Variants in IL1RAPL1 observed in about 807,000 individuals in gnomAD.
IL1RAPL1 encodes the protein interleukin-1 receptor accessory protein-like 1.
Under a neutral mutation model 48.4 loss-of-function variants are expected in IL1RAPL1, and 3 were observed. That is an observed-to-expected ratio of 0.06 (90% CI 0.03 to 0.16). The LOEUF is 0.16. Ranked by LOEUF, IL1RAPL1 falls within the 10% of genes least tolerant of loss-of-function variation. The pLI is 1.00. For missense variants in IL1RAPL1, 349 were observed against 530.6 expected (o/e 0.66, Z 3.36); for synonymous variants, 185 against 187.7 (o/e 0.99, Z 0.12).
intron 2 of IL1RAPL1, among the ~76,000 whole-genome samples, chrX:29,098,548 G>T (rs1206023401): frequency 9.0e-6 from 1 of 111,336 alleles, no homozygotes; most frequent in Admixed American, 9.6e-5. Context: ...TCAACTTGTG[G>T]TCCTTGGACC....
At chrX:28,928,173 A>G (rs1923795328) in intron 2 of IL1RAPL1, among the ~76,000 whole-genome samples, 1 of 111,268 alleles carries the variant, frequency 9.0e-6, no homozygotes, top group African/African-American at 3.3e-5. Context: ...CAAATTTATA[A>G]ATGCTTTTAT....
chrX:29,614,493 C>G (rs1924215564), intron 5 of IL1RAPL1, among the ~76,000 whole-genome samples: 1 of 112,410 alleles, frequency 8.9e-6, no homozygotes, highest in Non-Finnish European at 1.9e-5. Context: ...CATTTAATAT[C>G]CTTCTGTGAA....
At position 29,080,994 on chromosome X, in the gene IL1RAPL1, T is replaced by TTCTCTCTCTCTC. The variant is rs201299964; in HGVS notation, c.83-201928_83-201917dup. On this transcript the variant is annotated intron_variant, in intron 2 of 10. Transcript: ENST00000378993. ...TTTCTTTCTTTCTTTCTTTCTTTCT[T>TTCTCTCTCTCTC]TCTCTCTCTCTCTCTCTCTCTCTCT... is the stretch of plus-strand genomic sequence containing the variant. 2.5e-3 allele frequency among the ~76,000 whole-genome samples: 65 copies of TTCTCTCTCTCTC among 26,424 alleles called. 1 individual carries two copies. Among genetic ancestry groups the TTCTCTCTCTCTC allele is most frequent in the Non-Finnish European group, 4.2e-3 (54 of 12,754 alleles). 22.9% of individuals were successfully genotyped at this position (26,424 alleles called of 115,157 possible).
chrX:29,527,124 G>A (rs1935560832), intron 5 of IL1RAPL1, among the ~76,000 whole-genome samples: 1 of 109,696 alleles, frequency 9.1e-6, no homozygotes, highest in African/African-American at 3.3e-5. Flanking sequence ...TATAATAGAG[G>A]TGACATCTCA....
intron 3 of IL1RAPL1, among the ~76,000 whole-genome samples, chrX:29,339,393 G>T (rs1301255620): frequency 1.8e-5 from 2 of 111,563 alleles, no homozygotes; most frequent in African/African-American, 6.5e-5. Flanking sequence ...GATAATCAAT[G>T]TATATTAAAT....
At chrX:29,020,268 A>G (rs1160060230) in intron 2 of IL1RAPL1, among the ~76,000 whole-genome samples, 3 of 112,566 alleles carry the variant, frequency 2.7e-5, no homozygotes, top group African/African-American at 9.7e-5. Context: ...TTGTACAGTT[A>G]TGCTCTGCAT....
chrX:28,771,181 C>T (rs1194069041), intron 1 of IL1RAPL1, among the ~76,000 whole-genome samples: 1 of 111,446 alleles, frequency 9.0e-6, no homozygotes, highest in Non-Finnish European at 1.9e-5. Context: ...CTTTGAGAGG[C>T]CAATAGAAGT....
intron 5 of IL1RAPL1, among the ~76,000 whole-genome samples, chrX:29,565,979 C>T (rs777249225): frequency 2.6e-4 from 28 of 108,974 alleles, no homozygotes; most frequent in Middle Eastern, 9.7e-3. Flanking sequence ...GACGGAGTCT[C>T]GCTCTGTCGC....
intron 2 of IL1RAPL1, among the ~76,000 whole-genome samples, chrX:28,794,116 A>G (rs985015904): frequency 1.8e-5 from 2 of 111,407 alleles, no homozygotes; most frequent in Non-Finnish European, 3.8e-5. Context: ...TTAAAGAGCA[A>G]TCAGTATAAT....
intron 1 of IL1RAPL1, among the ~76,000 whole-genome samples, chrX:28,761,538 G>A (rs1052947716): frequency 9.0e-6 from 1 of 111,538 alleles, no homozygotes; most frequent in African/African-American, 3.3e-5. Flanking sequence ...GAAGCAAAAC[G>A]TTGTGTATTT....
At chrX:28,607,299 G>A (rs1367772369) in intron 1 of IL1RAPL1, among the ~76,000 whole-genome samples, 2 of 110,736 alleles carry the variant, frequency 1.8e-5, no homozygotes, top group Non-Finnish European at 3.8e-5. Context: ...TACATTTGGG[G>A]TGAATGATAA....
intron 5 of IL1RAPL1, among the ~76,000 whole-genome samples, chrX:29,469,840 G>A (rs1406724237): frequency 9.0e-6 from 1 of 111,584 alleles, no homozygotes; most frequent in African/African-American, 3.3e-5. Flanking sequence ...TCTCCACAAC[G>A]TTCCTTTAAA....
At chrX:29,910,641 A>G (rs1293737961) in intron 6 of IL1RAPL1, among the ~76,000 whole-genome samples, 1 of 112,054 alleles carries the variant, frequency 8.9e-6, no homozygotes, top group African/African-American at 3.2e-5. Context: ...TTTATAACAC[A>G]AAAGTAGGTA....
chrX:29,647,615 TCATGGTAACCA>T (rs1329841788), intron 5 of IL1RAPL1, among the ~76,000 whole-genome samples: 1 of 111,436 alleles, frequency 9.0e-6, no homozygotes, highest in Non-Finnish European at 1.9e-5. Flanking sequence ...TTTGTAAGCC[TCATGGTAACCA>T]CAAAGCAAAA....
chrX:28,757,736 T>C (rs1306450628), intron 1 of IL1RAPL1, among the ~76,000 whole-genome samples: 3 of 112,286 alleles, frequency 2.7e-5, no homozygotes, highest in Non-Finnish European at 3.8e-5. Flanking sequence ...ATGTGGGCTC[T>C]CATTAGCCAA....
intron 2 of IL1RAPL1, among the ~76,000 whole-genome samples, chrX:29,009,089 T>C (rs1210624275): frequency 8.9e-6 from 1 of 112,078 alleles, no homozygotes; most frequent in Non-Finnish European, 1.9e-5. Flanking sequence ...AGCAAACTAA[T>C]GCAGGAACAA....
intron 2 of IL1RAPL1, among the ~76,000 whole-genome samples, chrX:28,973,163 A>T (rs765073795): frequency 3.6e-4 from 40 of 111,754 alleles, no homozygotes; most frequent in Non-Finnish European, 6.0e-4. Flanking sequence ...TCATTTTTGT[A>T]GTTATTTATT....
chrX:28,997,377 G>A (rs1199434882), intron 2 of IL1RAPL1, among the ~76,000 whole-genome samples: 1 of 111,548 alleles, frequency 9.0e-6, no homozygotes, highest in Non-Finnish European at 1.9e-5. Flanking sequence ...ACTCTATGTT[G>A]GTGATATTCA....
intron 2 of IL1RAPL1, among the ~76,000 whole-genome samples, chrX:29,045,950 C>CGTCT (rs1926955620): frequency 1.4e-5 from 1 of 72,244 alleles, no homozygotes; most frequent in Non-Finnish European, 2.5e-5. Flanking sequence ...CTTCCTCCTC[C>CGTCT]TCCTCCTCCT....
Sources: allele counts gnomAD v4.1 joint callset (sites outside exome capture counted in the v4.1 genomes callset), GRCh38; gene constraint gnomAD v4.1.1; transcripts MANE v1.5; gene names NCBI Gene and HGNC (gene_info 2026-07-23, HGNC 2026-07-21).